Variants in SLC25A48 observed in about 807,000 individuals in gnomAD.
The protein encoded by SLC25A48 is solute carrier family 25 member 48.
SLC25A48 carries 29 observed loss-of-function variants against 32.2 expected under a neutral mutation model. That is an observed-to-expected ratio of 0.90 (90% CI 0.67 to 1.23). The LOEUF (loss-of-function observed/expected upper bound fraction) is 1.23. Among genes scored for constraint, SLC25A48 ranks in the 50% most tolerant of loss-of-function variants. The pLI is 0.00. For synonymous variants in SLC25A48, 164 were observed against 172.3 expected (o/e 0.95, Z 0.38); for missense variants, 399 against 422.7 (o/e 0.94, Z 0.49).
intron 3 of SLC25A48, chr5:135,649,157 C>G (rs947041164): frequency 6.6e-6 from 1 of 152,264 alleles, no homozygotes; most frequent in African/African-American, 2.4e-5. Flanking sequence ...GGAACCCTGT[C>G]CTGTGCCTGG....
chr5:135,695,896 CA>C (rs1300943197), intron 3 of SLC25A48, among the ~76,000 whole-genome samples: 1 of 152,154 alleles, frequency 6.6e-6, no homozygotes, highest in Non-Finnish European at 1.5e-5. Context: ...AGAGAAAATG[CA>C]AAAGTCTCTC....
chr5:135,750,360 C>T (rs1228093237), intron 3 of SLC25A48, among the ~76,000 whole-genome samples: 6 of 152,262 alleles, frequency 3.9e-5, no homozygotes, highest in South Asian at 2.1e-4. Context: ...TGGCTTCATT[C>T]GACTGGGGGT....
At chr5:135,718,718 A>G (rs1754875115) in intron 3 of SLC25A48, among the ~76,000 whole-genome samples, 1 of 152,216 alleles carries the variant, frequency 6.6e-6, no homozygotes, top group East Asian at 1.9e-4. Flanking sequence ...GAACCTCCAG[A>G]GAATTATGCT....
intron 3 of SLC25A48, among the ~76,000 whole-genome samples, chr5:135,812,171 A>G (rs528196239): frequency 6.6e-6 from 1 of 152,256 alleles, no homozygotes; most frequent in East Asian, 1.9e-4. Context: ...TTTATTTTTT[A>G]AGCTTCTATG....
chr5:135,718,429 A>C (rs1358318204), intron 3 of SLC25A48, among the ~76,000 whole-genome samples: 4 of 152,152 alleles, frequency 2.6e-5, no homozygotes, highest in Admixed American at 1.3e-4. Context: ...TCTGGGAAGA[A>C]TCTCTCTCTT....
chr5:135,843,777 CCAGTGTGTGTGTGGTGCACA>C (rs1759196450), intron 2 of SLC25A48, among the ~76,000 whole-genome samples: 1 of 152,164 alleles, frequency 6.6e-6, no homozygotes, highest in Non-Finnish European at 1.5e-5. Flanking sequence ...ACAAAGAAGG[CCAGTGTGTGTGTGGTGCACA>C]CAGTGAGCTG....
chr5:135,673,817 A>G (rs560934933), intron 3 of SLC25A48, among the ~76,000 whole-genome samples: 8 of 152,116 alleles, frequency 5.3e-5, no homozygotes, highest in African/African-American at 1.7e-4. Flanking sequence ...GTTTTCTTCT[A>G]CAAGTTCCAT....
chr5:135,680,389 G>A (rs1479836387), intron 3 of SLC25A48, among the ~76,000 whole-genome samples: 1 of 152,124 alleles, frequency 6.6e-6, no homozygotes, highest in South Asian at 2.1e-4. Context: ...CCAAAATCCT[G>A]TTGACATTTT....
chr5:135,758,361 A>G (rs1755974309), intron 3 of SLC25A48, among the ~76,000 whole-genome samples: 1 of 150,776 alleles, frequency 6.6e-6, no homozygotes, highest in Non-Finnish European at 1.5e-5. Context: ...TGATATCTAC[A>G]ATATCTCTAG....
intron 3 of SLC25A48, among the ~76,000 whole-genome samples, chr5:135,638,065 T>A (rs114676395): frequency 0.017 from 2,545 of 152,350 alleles, 74 homozygotes; most frequent in African/African-American, 0.059. Context: ...GACATAGTTG[T>A]CATCATCTAT....
intron 3 of SLC25A48, among the ~76,000 whole-genome samples, chr5:135,744,000 A>G (rs1221181577): frequency 6.6e-6 from 1 of 152,240 alleles, no homozygotes; most frequent in Non-Finnish European, 1.5e-5. Context: ...CAAAGACAGG[A>G]TAAGATTAAT....
chr5:135,607,353 C>CCATG (rs1369069606), intron 1 of SLC25A48, among the ~76,000 whole-genome samples: 1 of 152,202 alleles, frequency 6.6e-6, no homozygotes, highest in Non-Finnish European at 1.5e-5. Flanking sequence ...CAACTCATTT[C>CCATG]CATGCATGCA....
chr5:135,677,485 G>C (rs751973552), intron 3 of SLC25A48, among the ~76,000 whole-genome samples: 1 of 151,972 alleles, frequency 6.6e-6, no homozygotes, highest in Non-Finnish European at 1.5e-5. Flanking sequence ...GTTAATTGTT[G>C]TCTGGTTGTT....
chr5:135,846,655 C>A (rs980381799), intron 2 of SLC25A48, among the ~76,000 whole-genome samples: 5 of 152,092 alleles, frequency 3.3e-5, no homozygotes, highest in African/African-American at 7.2e-5. Flanking sequence ...ATTCACAGCA[C>A]CCCTGACATG....
At chr5:135,591,623 T>C (rs1751530902) in intron 1 of SLC25A48, among the ~76,000 whole-genome samples, 1 of 152,200 alleles carries the variant, frequency 6.6e-6, no homozygotes, top group Non-Finnish European at 1.5e-5. Context: ...TCAAACAGCC[T>C]GGAGATGTGG....
At chr5:135,588,782 T>C (rs989441913) in intron 1 of SLC25A48, among the ~76,000 whole-genome samples, 1 of 151,474 alleles carries the variant, frequency 6.6e-6, no homozygotes, top group Non-Finnish European at 1.5e-5. Flanking sequence ...TGATGGGAGG[T>C]AGAGTATACA....
rs1580939952 is a variant in SLC25A48, at chr5:135,834,738, C to T, written c.-110C>T. 1 of 1,228,650 alleles carries T rather than the reference C, an allele frequency of 8.1e-7. No homozygotes were observed. The highest frequency in any genetic ancestry group is 1.1e-6 in the Non-Finnish European group (1 of 891,670). The allele number at this position is 1,228,650 out of a possible 1,614,324, so 76.1% of individuals were successfully genotyped here. On this transcript the variant is annotated 5_prime_UTR_variant, in exon 1 of 8. Transcript: ENST00000681962. ...GGTTTGGAGTAGGACCTGCGGCGTG[C>T]TCGAGACTCCGACTTCGGTCTTGCG...
At chr5:135,820,205 C>T (rs6859220) in intron 4 of SLC25A48, among the ~76,000 whole-genome samples, 4,527 of 152,260 alleles carry the variant, frequency 0.03, 208 homozygotes, top group African/African-American at 0.1. Context: ...TGTTACGCCA[C>T]ATAACAGTAT....
chr5:135,585,169 C>A (rs1002299765), intron 1 of SLC25A48, among the ~76,000 whole-genome samples: 1 of 152,178 alleles, frequency 6.6e-6, no homozygotes, highest in African/African-American at 2.4e-5. Flanking sequence ...CTGCTTGGCA[C>A]AGGGGAACAA....
Sources: gnomAD v4.1 joint callset for allele counts (sites outside exome capture counted in the v4.1 genomes callset) on GRCh38, gnomAD v4.1.1 for gene constraint, MANE v1.5 for transcripts, NCBI Gene and HGNC (gene_info 2026-07-23, HGNC 2026-07-21) for gene names.